The following DCC variants were observed in gnomAD, a reference collection of about 807,000 sequenced individuals.
The protein encoded by DCC is netrin receptor DCC.
DCC carries 58 observed loss-of-function variants against 172.5 expected under a neutral mutation model. The observed-to-expected ratio is 0.34, with a 90% CI of 0.27 to 0.42. DCC has a LOEUF of 0.42. DCC is among the 10% of genes least tolerant of loss of function. The pLI is 1.00. For missense variants in DCC, 1,740 were observed against 1,791.0 expected, an observed-to-expected ratio of 0.97 and a Z score of 0.51; for synonymous variants, 709 against 644.5, an observed-to-expected ratio of 1.10 and a Z score of -1.52.
At chr18:52,819,921 C>T (rs945504841) in intron 2 of DCC, among the ~76,000 whole-genome samples, 26 of 152,088 alleles carry the variant, frequency 1.7e-4, no homozygotes, top group African/African-American at 2.4e-5. Flanking sequence ...GGGGTTTCAC[C>T]GTATTAGCCA....
chr18:53,447,427 A>C (rs375443727), intron 22 of DCC, among the ~76,000 whole-genome samples: 2 of 152,206 alleles, frequency 1.3e-5, no homozygotes, highest in East Asian at 3.8e-4. Flanking sequence ...GGGAGTCCTC[A>C]TGAACCCCGA....
At chr18:53,344,440 C>CTTTTTTTTTTT (rs71175582) in intron 15 of DCC, among the ~76,000 whole-genome samples, 13 of 97,064 alleles carry the variant, frequency 1.3e-4, no homozygotes, top group African/African-American at 2.9e-4. Context: ...TTTCGTTTTT[C>CTTTTTTTTTTT]TTTTTTTTTT....
At position 53,495,389 on chromosome 18, in the gene DCC, CAAAAA is replaced by C. The variant is rs71179511; in HGVS notation, c.3899-3896_3899-3892del. Among the ~76,000 whole-genome samples, 10 of 116,686 alleles carry C rather than the reference CAAAAA, an allele frequency of 8.6e-5. No homozygotes were observed. The South Asian group carries it at 1.2e-3, about 14-fold the overall frequency. The allele number at this position is 116,686 out of a possible 152,430, so 76.6% of individuals were successfully genotyped here. On this transcript the variant is annotated intron_variant, in intron 26 of 28. Coordinates refer to ENST00000442544, the MANE Select transcript of DCC (RefSeq NM_005215.4). Reference sequence around the variant, plus strand: ...TGGGTAACAGAGCAAGACTCCATCTCAAAAAAAAAAAAAAAAAGAAAGAAAGAAAA... The same window carrying C: ...TGGGTAACAGAGCAAGACTCCATCTCAAAAAAAAAAAAGAAAGAAAGAAAA...
intron 1 of DCC, among the ~76,000 whole-genome samples, chr18:52,495,504 G>T (rs933053376): frequency 6.6e-6 from 1 of 152,054 alleles, no homozygotes; most frequent in Non-Finnish European, 1.5e-5. Context: ...TCACCCCTTA[G>T]TTCTCACTGC....
intron 5 of DCC, among the ~76,000 whole-genome samples, chr18:53,000,548 CT>C (rs2041548310): frequency 6.8e-6 from 1 of 147,384 alleles, no homozygotes; most frequent in African/African-American, 2.5e-5. Context: ...GTTTTTAATG[CT>C]GAGGGGTCAC....
rs141918622 is a variant in DCC at position 53,074,323 on chromosome 18, G to C, written c.1261+8157G>C. Among the ~76,000 whole-genome samples, 256 of 152,276 alleles carry C rather than the reference G, an allele frequency of 1.7e-3. 1 individual carries two copies. The highest frequency in any genetic ancestry group is 6.1e-3 in the African/African-American group (252 of 41,568). On this transcript the variant is annotated intron_variant, in intron 7 of 28. Transcript: ENST00000442544. ...TCCTTATAGTTTCCTCACACAAACA[G>C]AGATGCTCGTTAACACTACAAAATT...
chr18:52,801,627 C>T (rs906167404), intron 2 of DCC, among the ~76,000 whole-genome samples: 2 of 152,164 alleles, frequency 1.3e-5, no homozygotes, highest in Non-Finnish European at 2.9e-5. Flanking sequence ...GTTTTGAATG[C>T]AGTAAAGTAT....
At chr18:52,658,021 A>G (rs2144940566) in intron 1 of DCC, among the ~76,000 whole-genome samples, 1 of 152,324 alleles carries the variant, frequency 6.6e-6, no homozygotes, top group Admixed American at 6.5e-5. Flanking sequence ...TAGCTAATTA[A>G]GAGCCAGACC....
At chr18:53,351,312 TATAC>T (rs1329069848) in intron 15 of DCC, among the ~76,000 whole-genome samples, 1 of 26,842 alleles carries the variant, frequency 3.7e-5, no homozygotes, top group African/African-American at 6.9e-5. Flanking sequence ...TATATATATA[TATAC>T]ACTGTATATA....
intron 7 of DCC, among the ~76,000 whole-genome samples, chr18:53,079,349 A>G (rs1481824770): frequency 6.6e-6 from 1 of 152,128 alleles, no homozygotes; most frequent in Non-Finnish European, 1.5e-5. Flanking sequence ...CAATTTTGAT[A>G]AAATATTTTA....
chr18:52,650,802 G>A (rs2035117364), intron 1 of DCC, among the ~76,000 whole-genome samples: 1 of 152,200 alleles, frequency 6.6e-6, no homozygotes, highest in Admixed American at 6.5e-5. Flanking sequence ...ACATGTGACA[G>A]TGCCAGGGAG....
At chr18:52,717,230 C>A (rs571050146) in intron 1 of DCC, among the ~76,000 whole-genome samples, 2 of 152,184 alleles carry the variant, frequency 1.3e-5, no homozygotes, top group South Asian at 4.2e-4. Context: ...TTTAGTAGAA[C>A]AAGGCCCATA....
intron 1 of DCC, among the ~76,000 whole-genome samples, chr18:52,684,818 C>T (rs144168427): frequency 9.9e-5 from 15 of 152,250 alleles, no homozygotes; most frequent in African/African-American, 3.4e-4. Flanking sequence ...GCTTAAACTA[C>T]TAATGACACA....
intron 1 of DCC, among the ~76,000 whole-genome samples, chr18:52,681,166 T>G (rs1383230431): frequency 6.6e-6 from 1 of 152,102 alleles, no homozygotes; most frequent in Non-Finnish European, 1.5e-5. Context: ...AATGCAGAAG[T>G]CTAGACAAGT....
At position 52,537,777 on chromosome 18, in the gene DCC, T is replaced by C. The variant is rs374669628; in HGVS notation, c.91+196899T>C. Reference sequence around the variant, plus strand: ...AGAGTATTTAACGACCATTGAGAGATTGTAATTATGCCTCATGCCACTTGT... The same window carrying C: ...AGAGTATTTAACGACCATTGAGAGACTGTAATTATGCCTCATGCCACTTGT... On this transcript the variant is annotated intron_variant, in intron 1 of 28. Coordinates refer to ENST00000442544, the MANE Select transcript of DCC (RefSeq NM_005215.4). 2.4e-4 allele frequency among the ~76,000 whole-genome samples: 36 copies of C among 152,274 alleles called. No homozygotes were observed. In the East Asian group the frequency reaches 5.2e-3, roughly 22 times the overall value.
chr18:53,067,634 C>T (rs375944298), intron 7 of DCC, among the ~76,000 whole-genome samples: 2 of 152,116 alleles, frequency 1.3e-5, no homozygotes, highest in African/African-American at 4.8e-5. Context: ...ACAAAAGAAC[C>T]ATCCTGCTGC....
chr18:53,118,149 T>C (rs2043433473), intron 7 of DCC, among the ~76,000 whole-genome samples: 3 of 151,804 alleles, frequency 2.0e-5, no homozygotes, highest in African/African-American at 7.2e-5. Context: ...ATGTGTGTTA[T>C]TTTTTATCAA....
At chr18:53,179,184 T>C (rs2055156088) in intron 9 of DCC, 68 bp downstream of exon 9, 3 of 1,473,960 alleles carry the variant, frequency 2.0e-6, no homozygotes, top group East Asian at 2.4e-5. Flanking sequence ...CCTTGAATTC[T>C]TTCACAGAAC....
chr18:52,841,341 G>A (rs1028841849), intron 2 of DCC, among the ~76,000 whole-genome samples: 1 of 151,938 alleles, frequency 6.6e-6, no homozygotes, highest in Non-Finnish European at 1.5e-5. Flanking sequence ...AGGAGAGTAA[G>A]ACTAGACCAG....
Sources: allele counts gnomAD v4.1 joint callset (sites outside exome capture counted in the v4.1 genomes callset), GRCh38; gene constraint gnomAD v4.1.1; transcripts MANE v1.5; gene names NCBI Gene and HGNC (gene_info 2026-07-23, HGNC 2026-07-21).